The following FARS2 variants were observed in gnomAD, a reference collection of about 807,000 sequenced individuals.
The protein encoded by FARS2 is phenylalanyl-tRNA synthetase 2, mitochondrial, also known as phenylalanine--tRNA ligase, mitochondrial.
A neutral mutation model predicts 46.4 loss-of-function variants in FARS2; 40 were observed. The observed-to-expected ratio is 0.86, with a 90% CI of 0.67 to 1.12. The LOEUF (loss-of-function observed/expected upper bound fraction) is 1.12. FARS2 is among the 50% of genes most tolerant of loss of function. The probability of loss-of-function intolerance (pLI) is 0.00; values close to 1 mark genes in which losing one functional copy is unlikely to be tolerated. For missense variants in FARS2, 513 were observed against 567.9 expected (o/e 0.90, Z 0.98); for synonymous variants, 234 against 214.9 (o/e 1.09, Z -0.78).
intron 4 of FARS2, among the ~76,000 whole-genome samples, chr6:5,432,516 C>CATATAT (rs559755182): frequency 2.5e-5 from 1 of 40,596 alleles, no homozygotes; most frequent in African/African-American, 1.8e-4. Flanking sequence ...ATATCCCAAT[C>CATATAT]ATATATATAT....
At chr6:5,425,529 C>A (rs1023374220) in intron 3 of FARS2, among the ~76,000 whole-genome samples, 2 of 151,664 alleles carry the variant, frequency 1.3e-5, no homozygotes, top group East Asian at 1.9e-4. Flanking sequence ...ACACACACAC[C>A]CGCCCTGCAA....
At chr6:5,655,549 C>T (rs1247744161) in intron 6 of FARS2, among the ~76,000 whole-genome samples, 1 of 152,168 alleles carries the variant, frequency 6.6e-6, no homozygotes, top group Non-Finnish European at 1.5e-5. Flanking sequence ...GTGGACTTGC[C>T]GTTTCCTGCA....
intron 6 of FARS2, among the ~76,000 whole-genome samples, chr6:5,688,768 C>A (rs1435163273): frequency 6.6e-6 from 1 of 152,118 alleles, no homozygotes; most frequent in Non-Finnish European, 1.5e-5. Flanking sequence ...ATAGTTTCAA[C>A]AGGAATGGTA....
intron 3 of FARS2, among the ~76,000 whole-genome samples, chr6:5,419,463 G>A (rs1762420700): frequency 6.9e-6 from 1 of 144,438 alleles, no homozygotes; most frequent in African/African-American, 2.5e-5. Flanking sequence ...TTCAGAGGAA[G>A]GTTTTTTTGT....
intron 4 of FARS2, among the ~76,000 whole-genome samples, chr6:5,437,323 G>A (rs989489584): frequency 2.0e-5 from 3 of 152,116 alleles, no homozygotes; most frequent in Non-Finnish European, 4.4e-5. Flanking sequence ...GAAGCAAAAA[G>A]CCTATGAGTG....
intron 5 of FARS2, among the ~76,000 whole-genome samples, chr6:5,556,074 A>G (rs2150525094): frequency 6.6e-6 from 1 of 152,262 alleles, no homozygotes; most frequent in East Asian, 1.9e-4. Context: ...ATGGTCACTT[A>G]TGAAATGGAT....
chr6:5,390,485 T>C (rs1413521777), intron 2 of FARS2, among the ~76,000 whole-genome samples: 1 of 152,222 alleles, frequency 6.6e-6, no homozygotes, highest in African/African-American at 2.4e-5. Flanking sequence ...ATTATTTTGA[T>C]TGTTTTCTAT....
At chr6:5,444,480 AAAAAAAAAAAAAAG>A (rs1407087375) in intron 4 of FARS2, among the ~76,000 whole-genome samples, 14 of 90,502 alleles carry the variant, frequency 1.5e-4, no homozygotes, top group Admixed American at 3.2e-4. Context: ...AAAAAAAAAA[AAAAAAAAAAAAAAG>A]AGAGAGAGAG....
intron 6 of FARS2, among the ~76,000 whole-genome samples, chr6:5,673,092 G>GC (rs1240273685): frequency 3.9e-5 from 6 of 152,104 alleles, no homozygotes; most frequent in South Asian, 4.1e-4. Flanking sequence ...CCTTTTCTGG[G>GC]CCCCAAACTG....
intron 4 of FARS2, among the ~76,000 whole-genome samples, chr6:5,469,105 G>A (rs1215330346): frequency 6.6e-6 from 1 of 152,176 alleles, no homozygotes; most frequent in Non-Finnish European, 1.5e-5. Context: ...CCCTTACACA[G>A]ATGTCTTCAC....
At chr6:5,340,909 A>G (rs1771508045) in intron 1 of FARS2, among the ~76,000 whole-genome samples, 1 of 151,828 alleles carries the variant, frequency 6.6e-6, no homozygotes, top group African/African-American at 2.4e-5. Flanking sequence ...GCACTTTGGG[A>G]GGCCGAGGCG....
chr6:5,603,427 G>A (rs1774654681), intron 5 of FARS2, among the ~76,000 whole-genome samples: 1 of 152,210 alleles, frequency 6.6e-6, no homozygotes, highest in African/African-American at 2.4e-5. Flanking sequence ...GGGCGGGTAT[G>A]TTAGTTTAGT....
chr6:5,609,888 C>G, intron 5 of FARS2: 1 of 1,014,702 alleles, frequency 9.9e-7, no homozygotes, highest in Non-Finnish European at 1.5e-6. Flanking sequence ...ATGCCTTTTT[C>G]ACAGTTAAGT....
chr6:5,762,886 G>C lies in FARS2; in HGVS notation c.1218-8405G>C, dbSNP rs1212290296. ...CGGCAACACTGGTGTTCACTGGCTG[G>C]GAGCTGGGGGAGGCACCGCTCAGAA... On this transcript the variant is annotated intron_variant, in intron 6 of 6. Transcript: ENST00000274680. Among the ~76,000 whole-genome samples the C allele has an allele frequency of 2.0e-5, 3 of 152,218 alleles. No homozygotes were observed. In the East Asian group the frequency reaches 5.8e-4, roughly 29 times the overall value.
At chr6:5,357,838 C>G (rs1758035444) in intron 1 of FARS2, among the ~76,000 whole-genome samples, 1 of 152,134 alleles carries the variant, frequency 6.6e-6, no homozygotes, top group Admixed American at 6.5e-5. Flanking sequence ...TAATGTTTGT[C>G]TTTCATAGTG....
At chr6:5,416,196 T>C (rs1374368420) in intron 3 of FARS2, among the ~76,000 whole-genome samples, 1 of 152,220 alleles carries the variant, frequency 6.6e-6, no homozygotes, top group Non-Finnish European at 1.5e-5. Context: ...TGATATTGTT[T>C]CTCGGACATC....
chr6:5,569,350 C>T (rs1772502830), intron 5 of FARS2, among the ~76,000 whole-genome samples: 1 of 151,916 alleles, frequency 6.6e-6, no homozygotes, highest in South Asian at 2.1e-4. Flanking sequence ...GATCCTCCCA[C>T]CTCAGCCTCC....
rs568056668 is a variant in FARS2 at position 5,607,194 on chromosome 6, A to G, written c.1066-5975A>G. Among the ~76,000 whole-genome samples, 31 of 152,264 alleles carry G rather than the reference A, an allele frequency of 2.0e-4. 1 individual carries two copies. The highest frequency in any genetic ancestry group is 6.7e-4 in the African/African-American group (28 of 41,564). ...AGAATAACCAGGAAGGAGGGCTGCT[A>G]GGGAAAATGAAGCTTCCTGTCTTTT... On this transcript the variant is annotated intron_variant, in intron 5 of 6. Transcript: ENST00000274680.
chr6:5,694,073 T>C (rs145499648), intron 6 of FARS2, among the ~76,000 whole-genome samples: 32 of 152,362 alleles, frequency 2.1e-4, no homozygotes, highest in Non-Finnish European at 3.4e-4. Context: ...AGTTGGATGA[T>C]AGCATTGCTG....
Sources: gnomAD v4.1 joint callset for allele counts (sites outside exome capture counted in the v4.1 genomes callset) on GRCh38, gnomAD v4.1.1 for gene constraint, MANE v1.5 for transcripts, NCBI Gene and HGNC (gene_info 2026-07-23, HGNC 2026-07-21) for gene names.